FGF13: variants seen among roughly 807,000 people sequenced by gnomAD.
FGF13 encodes fibroblast growth factor homologous factor 2.
A neutral mutation model predicts 19.5 loss-of-function variants in FGF13; 2 were observed. The ratio of observed to expected loss-of-function variants is 0.10; its 90% CI spans 0.04 to 0.32. The LOEUF (loss-of-function observed/expected upper bound fraction) is 0.32, where lower values mean the gene tolerates loss of function less well. Ranked by LOEUF, FGF13 falls within the 10% of genes least tolerant of loss-of-function variation. The probability of loss-of-function intolerance (pLI) is 1.00; values close to 1 mark genes in which losing one functional copy is unlikely to be tolerated. For missense variants in FGF13, 113 were observed against 192.7 expected, an observed-to-expected ratio of 0.59 and a Z score of 2.45; for synonymous variants, 72 against 76.9, an observed-to-expected ratio of 0.94 and a Z score of 0.33.
chrX:139,066,695 G>A (rs62602246), intron 1 of FGF13, among the ~76,000 whole-genome samples: 12,758 of 110,373 alleles, frequency 0.12, 584 homozygotes, highest in South Asian at 0.18. Context: ...TCTACCAGAG[G>A]TACAAAAAGG....
chrX:138,886,697 A>C (rs1307893610), intron 1 of FGF13, among the ~76,000 whole-genome samples: 1 of 111,820 alleles, frequency 8.9e-6, no homozygotes, highest in Non-Finnish European at 1.9e-5. Flanking sequence ...AATAATACAC[A>C]TGGTTTGAGG....
At chrX:138,684,558 G>A (rs762175800) in intron 3 of FGF13, among the ~76,000 whole-genome samples, 1 of 111,265 alleles carries the variant, frequency 9.0e-6, no homozygotes, top group African/African-American at 3.3e-5. Flanking sequence ...GATGGGGAAG[G>A]CACCATTCTT....
At chrX:139,050,351 A>C (rs1258016153) in intron 1 of FGF13, among the ~76,000 whole-genome samples, 1 of 111,965 alleles carries the variant, frequency 8.9e-6, no homozygotes, top group African/African-American at 3.2e-5. Context: ...ACATACTAAG[A>C]AGAGTGGCTA....
At chrX:138,789,906 G>A (rs1167130622) in intron 3 of FGF13, among the ~76,000 whole-genome samples, 2 of 105,863 alleles carry the variant, frequency 1.9e-5, no homozygotes, top group South Asian at 4.5e-4. Context: ...TTAGCCGGGC[G>A]TAGTGGCAGG....
chrX:139,008,111 G>A lies in FGF13; in HGVS notation c.-112-143461C>T, dbSNP rs1488951226. Reference sequence around the variant, plus strand: ...AGGGAATATAACTCCAATGGACTGGGAACCACACCCCCTTCCCAAAGGCAG... The same window carrying A: ...AGGGAATATAACTCCAATGGACTGGAAACCACACCCCCTTCCCAAAGGCAG... On this transcript the variant is annotated intron_variant, in intron 1 of 2. Transcript: ENST00000421460. Among the ~76,000 whole-genome samples, 3 of 111,892 alleles carry A rather than the reference G, an allele frequency of 2.7e-5. No individual in the cohort carries two copies. In the Admixed American group the frequency reaches 2.8e-4, roughly 11 times the overall value.
intron 1 of FGF13, among the ~76,000 whole-genome samples, chrX:139,021,893 T>C (rs1202648489): frequency 8.9e-6 from 1 of 112,033 alleles, no homozygotes; most frequent in Non-Finnish European, 1.9e-5. Flanking sequence ...CTTAAATAAA[T>C]AGCCACCACA....
intron 1 of FGF13, among the ~76,000 whole-genome samples, chrX:138,738,868 T>G (rs2090299443): frequency 1.8e-5 from 2 of 112,166 alleles, no homozygotes; most frequent in African/African-American, 6.5e-5. Flanking sequence ...TTAAAATTAA[T>G]GTTTTGTGCT....
At chrX:138,838,848 T>C (rs1246125635) in intron 3 of FGF13, among the ~76,000 whole-genome samples, 1 of 111,716 alleles carries the variant, frequency 9.0e-6, no homozygotes, top group Non-Finnish European at 1.9e-5. Flanking sequence ...GATGAGACTT[T>C]GAACATTTGA....
At chrX:138,993,027 A>G (rs1432675286) in intron 1 of FGF13, among the ~76,000 whole-genome samples, 9 of 111,734 alleles carry the variant, frequency 8.1e-5, no homozygotes, top group Non-Finnish European at 1.5e-4. Flanking sequence ...CCCCACCAAA[A>G]ATTCCTAATC....
intron 1 of FGF13, among the ~76,000 whole-genome samples, chrX:138,929,873 TGTGTG>T (rs2091693070): frequency 9.3e-6 from 1 of 107,498 alleles, no homozygotes; most frequent in Admixed American, 1.0e-4. Context: ...TGTGTGTGTG[TGTGTG>T]TGTGTGTGTG....
intron 3 of FGF13, among the ~76,000 whole-genome samples, chrX:138,681,991 T>C (rs1364295338): frequency 8.9e-6 from 1 of 112,285 alleles, no homozygotes; most frequent in Non-Finnish European, 1.9e-5. Context: ...AAATGTGAAA[T>C]ACTTCAAGAA....
chrX:138,948,902 C>A (rs1165027247), intron 1 of FGF13, among the ~76,000 whole-genome samples: 1 of 111,804 alleles, frequency 8.9e-6, no homozygotes, highest in Non-Finnish European at 1.9e-5. Context: ...TGTCTTATTA[C>A]AAAATTATTG....
intron 1 of FGF13, among the ~76,000 whole-genome samples, chrX:138,888,873 C>T (rs1441409647): frequency 3.6e-5 from 4 of 111,512 alleles, no homozygotes; most frequent in Non-Finnish European, 7.5e-5. Flanking sequence ...TCATGAATGC[C>T]ATCATTCTTC....
At chrX:138,932,705 T>TGTGC (rs1481192700) in intron 1 of FGF13, among the ~76,000 whole-genome samples, 3 of 89,991 alleles carry the variant, frequency 3.3e-5, no homozygotes, top group African/African-American at 1.5e-4. Context: ...AGGAGTGTAG[T>TGTGC]GTGTGTGTGT....
chrX:138,927,038 T>C (rs2091677785), intron 1 of FGF13, among the ~76,000 whole-genome samples: 1 of 111,660 alleles, frequency 9.0e-6, no homozygotes, highest in Admixed American at 9.5e-5. Flanking sequence ...CAGTCACCTC[T>C]TAGAAAGCCA....
chrX:138,750,795 G>C (rs2090392660), intron 3 of FGF13, among the ~76,000 whole-genome samples: 1 of 111,214 alleles, frequency 9.0e-6, no homozygotes, highest in South Asian at 3.8e-4. Flanking sequence ...GATGAGCAAA[G>C]AGATGGTGTT....
At chrX:138,752,676 T>A (rs34296695) in intron 3 of FGF13, among the ~76,000 whole-genome samples, 7,058 of 111,547 alleles carry the variant, frequency 0.063, 228 homozygotes, top group East Asian at 0.095. Context: ...ACCCCTGACC[T>A]CCTGGAGTTC....
rs2089126228 is a variant in FGF13, at chrX:138,632,306, G to C, written c.*544C>G. On this transcript the variant is annotated 3_prime_UTR_variant, in exon 5 of 5. Transcript: ENST00000315930. ...GATTAAGTGACGCAAAAAGTCAATA[G>C]AACCATTGAATTTCAGAAATCATAA... 8.9e-6 allele frequency: 1 copy of C among 112,053 alleles called. No individual in the cohort carries two copies. Among genetic ancestry groups the C allele is most frequent in the African/African-American group, 3.2e-5 (1 of 30,844 alleles). 9.2% of individuals were successfully genotyped at this position (112,053 alleles called of 1,213,427 possible).
intron 1 of FGF13, among the ~76,000 whole-genome samples, chrX:138,733,337 C>A: frequency 9.0e-6 from 1 of 111,592 alleles, no homozygotes; most frequent in Non-Finnish European, 1.9e-5. Context: ...AAAATAATAG[C>A]TTTGTTTCTA....
Sources: allele counts gnomAD v4.1 joint callset (sites outside exome capture counted in the v4.1 genomes callset), GRCh38; gene constraint gnomAD v4.1.1; transcripts MANE v1.5; gene names NCBI Gene and HGNC (gene_info 2026-07-23, HGNC 2026-07-21).